Variants in TEDC1 observed in about 807,000 individuals in gnomAD.
TEDC1 encodes tubulin epsilon and delta complex 1.
TEDC1 carries 54 observed loss-of-function variants against 59.9 expected under a neutral mutation model. The ratio of observed to expected loss-of-function variants is 0.90; its 90% CI spans 0.72 to 1.13. The LOEUF is 1.13. TEDC1 is among the 50% of genes most tolerant of loss of function. The pLI is 0.00. For missense variants in TEDC1, 734 were observed against 683.4 expected (o/e 1.07, Z -0.83); for synonymous variants, 353 against 298.1 (o/e 1.18, Z -1.90).
Position 105,497,450 on chromosome 14 carries a change from A to G in TEDC1, c.978+7A>G. 6.5e-7 allele frequency: 1 copy of G among 1,544,076 alleles called. No homozygotes were observed. The highest frequency in any genetic ancestry group is 8.7e-7 in the Non-Finnish European group (1 of 1,147,152). ...GGTCTTCTGGCGGTGGATGGTGAGGAAGCCCGCGCATCCCTCTCCCGGCAT... is the reference window on the plus strand; with the variant it reads ...GGTCTTCTGGCGGTGGATGGTGAGGGAGCCCGCGCATCCCTCTCCCGGCAT... On this transcript the variant is annotated splice_region_variant and intron_variant, in intron 7 of 8. Transcript: ENST00000392523.
chr14:105,494,142 C>T (rs1555440077), intron 5 of TEDC1: 1 of 591,672 alleles, frequency 1.7e-6, no homozygotes, highest in African/African-American at 1.9e-5. Context: ...CTCACCCTTC[C>T]CTTCCACAAA....
At position 105,498,850 on chromosome 14, in the gene TEDC1, G is replaced by C; in HGVS notation, c.1392G>C (p.Ala464=). The change falls in exon 9 of 9, where the codon GCG becomes GCC. Residue 464 remains alanine, a synonymous_variant. Coordinates refer to ENST00000392523, the MANE Select transcript of TEDC1 (RefSeq NM_001367178.1). ...GGAGCCAGGAGGCCTGCCTGGAGGC[G>C]GTGCTACGTCGACTACAGGGACAGT... is the stretch of plus-strand genomic sequence containing the variant. ...TLRSQEACLE[A]VLRRLQGQCR... 1 of 1,611,298 alleles carries C rather than the reference G, an allele frequency of 6.2e-7. No homozygotes were observed. The highest frequency in any genetic ancestry group is 8.5e-7 in the Non-Finnish European group (1 of 1,179,450).
At chr14:105,491,885 C>T (rs1242199175) in intron 2 of TEDC1, among the ~76,000 whole-genome samples, 185 bp downstream of exon 2, 1 of 152,260 alleles carries the variant, frequency 6.6e-6, no homozygotes, top group Non-Finnish European at 1.5e-5. Context: ...CTAGCTCCAC[C>T]CCCTTGGGTA....
In TEDC1 at chr14:105,492,225, C is replaced by T. The variant is rs375685931; in HGVS notation, c.345C>T (p.Ser115=). ...GTCGGGAGCTGCTGCTGGCTCTGTC[C>T]TGGCTCTTGGCCCGAGGACCTGTGC... ...QGSRELLLAL[S]WLLARGPVPE... The change falls in exon 3 of 9, where the codon TCC becomes TCT. Residue 115 remains serine, a synonymous_variant. Coordinates refer to ENST00000392523, the MANE Select transcript of TEDC1 (RefSeq NM_001367178.1). 28 of 1,612,150 alleles carry T rather than the reference C, an allele frequency of 1.7e-5. No individual in the cohort carries two copies. Among genetic ancestry groups the T allele is most frequent in the Non-Finnish European group, 2.2e-5 (26 of 1,179,950 alleles).
Position 105,497,421 on chromosome 14 carries a change from A to G in TEDC1, c.956A>G (p.Glu319Gly). Residue 319 changes from glutamate to glycine, a missense_variant, in exon 7 of 9, where the codon GAG (glutamate) becomes GGG (glycine). Transcript: ENST00000392523. The part of the protein sequence containing the change: ...LEAVLAWRRS[E>G]LVFWRWMDTV... ...GCTGTCCTGGCGTGGCGGCGCTCTG[A>G]GCTGGTCTTCTGGCGGTGGATGGTG... 2 of 1,550,378 alleles carry G rather than the reference A, an allele frequency of 1.3e-6. No homozygotes were observed. Among genetic ancestry groups the G allele is most frequent in the East Asian group, 4.8e-5 (2 of 41,490 alleles).
At chr14:105,494,020 G>GC in intron 5 of TEDC1, 87 bp downstream of exon 5, 2 of 738,968 alleles carry the variant, frequency 2.7e-6, no homozygotes, top group South Asian at 3.5e-5. Flanking sequence ...GGGCCTGGGG[G>GC]CGGGGCAGCT....
chr14:105,491,120 T>A, upstream of TEDC1: 1 of 1,550,538 alleles, frequency 6.4e-7, no homozygotes, highest in Non-Finnish European at 8.7e-7. Flanking sequence ...GCCAGCGCGG[T>A]GATTGGGTAC....
At chr14:105,490,880 C>T, upstream of TEDC1, 2 of 820,872 alleles carry the variant, frequency 2.4e-6, no homozygotes, top group Non-Finnish European at 3.9e-6. Context: ...TGCCAAGGGG[C>T]GTGAGGCGCT....
At chr14:105,493,071 G>A (rs1160356319) in intron 4 of TEDC1, among the ~76,000 whole-genome samples, 1 of 152,148 alleles carries the variant, frequency 6.6e-6, no homozygotes, top group Non-Finnish European at 1.5e-5. Context: ...ACTCCCTCCT[G>A]GGCACTGGAG....
At chr14:105,497,550 G>T in intron 7 of TEDC1, 107 bp downstream of exon 7, 1 of 1,353,778 alleles carries the variant, frequency 7.4e-7, no homozygotes, top group Non-Finnish European at 1.0e-6. Context: ...GGCTTTTAGG[G>T]AGGCCACAGA....
rs1228648329 is a variant in TEDC1 at position 105,499,050 on chromosome 14, A to C, written c.*104A>C. On this transcript the variant is annotated 3_prime_UTR_variant, in exon 9 of 9. Coordinates refer to ENST00000392523, the MANE Select transcript of TEDC1 (RefSeq NM_001367178.1). Reference sequence around the variant, plus strand: ...CCAGGTGGCCGCAGGGACGATGCAGATGCAGAGCCCACGTCACATGCTCGC... The same window carrying C: ...CCAGGTGGCCGCAGGGACGATGCAGCTGCAGAGCCCACGTCACATGCTCGC... 1.6e-6 allele frequency: 2 copies of C among 1,246,180 alleles called. No homozygotes were observed. The highest frequency in any genetic ancestry group is 2.2e-6 in the Non-Finnish European group (2 of 916,432). 77.2% of individuals were successfully genotyped at this position (1,246,180 alleles called of 1,614,324 possible).
chr14:105,498,590 G>A, intron 8 of TEDC1, 27 bp from the exon 9 acceptor site: 1 of 1,510,532 alleles, frequency 6.6e-7, no homozygotes, highest in Non-Finnish European at 8.9e-7. Context: ...TGGGGGGACA[G>A]AGCCATTGCC....
chr14:105,490,923 G>A, upstream of TEDC1: 1 of 1,083,162 alleles, frequency 9.2e-7, no homozygotes, highest in East Asian at 2.6e-5. Flanking sequence ...CGGGGTGTCG[G>A]GTGTCGTGAC....
At chr14:105,498,382 A>G (rs1267011962) in intron 8 of TEDC1, among the ~76,000 whole-genome samples, 6 of 152,208 alleles carry the variant, frequency 3.9e-5, no homozygotes, top group African/African-American at 1.2e-4. Context: ...GCGCAGGTTC[A>G]TGGCTGTGAA....
In TEDC1 at chr14:105,498,676, T is replaced by A. The variant is rs1555441017; in HGVS notation, c.1218T>A (p.Ala406=). The stretch of plus-strand genomic sequence containing the variant: ...CCGCGCGGCGGGCCTCTCGGGAGGC[T>A]GTGGAAAAGGAGCTGGGAGCTCTAC... ...WSAARRASRE[A]VEKELGALQQ... is the part of the protein sequence containing the mutation. The change falls in exon 9 of 9, where the codon GCT becomes GCA. Residue 406 remains alanine (A), a synonymous_variant. Coordinates refer to ENST00000392523, the MANE Select transcript of TEDC1 (RefSeq NM_001367178.1). 1.9e-6 allele frequency: 3 copies of A among 1,554,086 alleles called. No individual in the cohort carries two copies. In the Middle Eastern group the frequency reaches 5.3e-4, roughly 276 times the overall value.
chr14:105,496,319 C>G (rs1361639772), intron 6 of TEDC1: 26 of 561,638 alleles, frequency 4.6e-5, no homozygotes, highest in Non-Finnish European at 7.9e-5. Flanking sequence ...GGGCTGCAGC[C>G]CCGGCACCAG....
intron 2 of TEDC1, 40 bp downstream of exon 2, chr14:105,491,740 G>A: frequency 2.0e-6 from 3 of 1,529,468 alleles, no homozygotes; most frequent in South Asian, 1.2e-5. Context: ...GGTAGCACTG[G>A]CCCCGCCTAC....
upstream of TEDC1, chr14:105,490,072 C>G (rs1337211143): frequency 7.3e-5 from 11 of 151,330 alleles, no homozygotes; most frequent in East Asian, 3.9e-4. Context: ...CTACTGGCGC[C>G]GTGAAGGAGA....
At chr14:105,498,262 C>T (rs1313040627) in intron 8 of TEDC1, among the ~76,000 whole-genome samples, 2 of 152,172 alleles carry the variant, frequency 1.3e-5, no homozygotes, top group African/African-American at 2.4e-5. Flanking sequence ...GCGTCCGCCA[C>T]ACATGCATCA....
Sources: allele counts gnomAD v4.1 joint callset (sites outside exome capture counted in the v4.1 genomes callset), GRCh38; gene constraint gnomAD v4.1.1; transcripts MANE v1.5; gene names NCBI Gene and HGNC (gene_info 2026-07-23, HGNC 2026-07-21).